Variants in FYN observed in about 807,000 individuals in gnomAD.
FYN encodes the protein FYN proto-oncogene, Src family tyrosine kinase, also known as tyrosine-protein kinase Fyn.
A neutral mutation model predicts 70.2 loss-of-function variants in FYN; 10 were observed. The ratio of observed to expected loss-of-function variants is 0.14; its 90% CI spans 0.09 to 0.24. The LOEUF (loss-of-function observed/expected upper bound fraction) is 0.24. Ranked by LOEUF, FYN falls within the 10% of genes least tolerant of loss-of-function variation. The pLI is 1.00. For missense variants in FYN, 319 were observed against 673.1 expected, an observed-to-expected ratio of 0.47 and a Z score of 5.82; for synonymous variants, 236 against 248.6, an observed-to-expected ratio of 0.95 and a Z score of 0.48.
At position 111,712,486 on chromosome 6, in the gene FYN, A is replaced by G. The variant is rs749654699; in HGVS notation, c.344+1861T>C. Among the ~76,000 whole-genome samples, 11 of 152,060 alleles carry G rather than the reference A, an allele frequency of 7.2e-5. 1 individual carries two copies. Among genetic ancestry groups the G allele is most frequent in the Non-Finnish European group, 4.4e-5 (3 of 68,014 alleles). On this transcript the variant is annotated intron_variant, in intron 5 of 13. Coordinates refer to ENST00000354650, the MANE Select transcript of FYN (RefSeq NM_002037.5). ...AGGTTCCCATCCCCTTTGATAAAGT[A>G]TCTGGGCCTTTCCCAGATCAAACCT... is the stretch of plus-strand genomic sequence containing the variant.
rs538500761 is a variant in FYN at position 111,849,121 on chromosome 6, T to C, written c.-122-2492A>G. Among the ~76,000 whole-genome samples, 3 of 152,342 alleles carry C rather than the reference T, an allele frequency of 2.0e-5. No homozygotes were observed. In the East Asian group the frequency reaches 5.8e-4, roughly 29 times the overall value. ...TGGGCATTAGGGCATTTTCCATGCT[T>C]TTATTCTTCTTGCTGAAGCAGTGCT... On this transcript the variant is annotated intron_variant, in intron 1 of 13. Coordinates refer to ENST00000354650, the MANE Select transcript of FYN (RefSeq NM_002037.5).
chr6:111,846,096 A>C (rs891752868), intron 2 of FYN, among the ~76,000 whole-genome samples: 1 of 152,222 alleles, frequency 6.6e-6, no homozygotes, highest in Admixed American at 6.5e-5. Flanking sequence ...AAAAAATGTT[A>C]CATTAATGAA....
At chr6:111,734,532 C>A (rs1801618299) in intron 3 of FYN, among the ~76,000 whole-genome samples, 1 of 152,220 alleles carries the variant, frequency 6.6e-6, no homozygotes, top group Non-Finnish European at 1.5e-5. Context: ...GCTCAACCAA[C>A]TCTGGCATTC....
chr6:111,672,440 A>G (rs1345709319), intron 13 of FYN, among the ~76,000 whole-genome samples: 1 of 152,222 alleles, frequency 6.6e-6, no homozygotes, highest in Non-Finnish European at 1.5e-5. Flanking sequence ...ACTCAGCTTG[A>G]AGAGTCCCTC....
At chr6:111,844,807 C>T (rs1466755598) in intron 2 of FYN, 1 of 152,172 alleles carries the variant, frequency 6.6e-6, no homozygotes, top group Non-Finnish European at 1.5e-5. Flanking sequence ...GGCCAACAGC[C>T]CTTTTTCCAT....
rs539552108 is a variant in FYN at position 111,665,634 on chromosome 6, T to A, written c.1406-3687A>T. The stretch of plus-strand genomic sequence containing the variant: ...CCTTTTATTTTTTATTTATTTATTT[T>A]TTTTTGAGATGAAGCGTGGCTCTGT... On this transcript the variant is annotated intron_variant, in intron 13 of 13. Coordinates refer to ENST00000354650, the MANE Select transcript of FYN (RefSeq NM_002037.5). Among the ~76,000 whole-genome samples the A allele has an allele frequency of 2.4e-4, 36 of 152,204 alleles. No individual in the cohort carries two copies. The South Asian group carries it at 2.5e-3, about 11-fold the overall frequency.
rs139047167 is a variant in FYN, at chr6:111,836,493, G to A, written c.-82+10096C>T. On this transcript the variant is annotated intron_variant, in intron 2 of 13. Coordinates refer to ENST00000354650, the MANE Select transcript of FYN (RefSeq NM_002037.5). ...ACAAAACAAATGCTAGGCTGTGCGC[G>A]GTGGTTCATGTCTGTAATCTCAGAT... 5.9e-5 allele frequency among the ~76,000 whole-genome samples: 9 copies of A among 152,286 alleles called. No individual in the cohort carries two copies. In the East Asian group the frequency reaches 1.7e-3, roughly 29 times the overall value.
At chr6:111,718,595 C>T (rs571038326) in intron 4 of FYN, among the ~76,000 whole-genome samples, 20 of 152,268 alleles carry the variant, frequency 1.3e-4, no homozygotes, top group Admixed American at 3.3e-4. Context: ...ATGCTTCTCA[C>T]GGTAGGCACA....
chr6:111,835,711 T>A (rs1773163279), intron 2 of FYN, among the ~76,000 whole-genome samples: 1 of 152,072 alleles, frequency 6.6e-6, no homozygotes, highest in Non-Finnish European at 1.5e-5. Context: ...AGAAAGTTAG[T>A]CCTCTTTCCA....
intron 2 of FYN, among the ~76,000 whole-genome samples, chr6:111,823,518 T>C (rs1005513102): frequency 2.6e-5 from 4 of 152,126 alleles, no homozygotes; most frequent in Non-Finnish European, 5.9e-5. Context: ...TATACTTTTT[T>C]CCCCCTTTTA....
chr6:111,674,450 CA>C, intron 13 of FYN, 48 bp downstream of exon 13: 2 of 1,562,506 alleles, frequency 1.3e-6, no homozygotes, highest in African/African-American at 1.4e-5. Context: ...CAAATGGTGT[CA>C]AAAAAGCCTC....
At chr6:111,737,071 T>TCAAAA (rs1247426331) in intron 3 of FYN, among the ~76,000 whole-genome samples, 1 of 152,236 alleles carries the variant, frequency 6.6e-6, no homozygotes, top group African/African-American at 2.4e-5. Context: ...GTTTTGTGCC[T>TCAAAA]CAAACACTCG....
chr6:111,783,199 T>C (rs1395088728), intron 2 of FYN, among the ~76,000 whole-genome samples: 1 of 152,154 alleles, frequency 6.6e-6, no homozygotes, highest in Non-Finnish European at 1.5e-5. Context: ...GCATAATGAC[T>C]TTCTCCACTG....
intron 9 of FYN, among the ~76,000 whole-genome samples, chr6:111,699,100 T>A (rs1013826425): frequency 7.9e-5 from 12 of 152,124 alleles, no homozygotes; most frequent in African/African-American, 2.9e-4. Flanking sequence ...CAAAAAGGTA[T>A]CATTCCAATT....
chr6:111,666,530 G>A (rs1160369460), intron 13 of FYN, among the ~76,000 whole-genome samples: 1 of 152,116 alleles, frequency 6.6e-6, no homozygotes, highest in Non-Finnish European at 1.5e-5. Context: ...CCATTGTGGT[G>A]GGTCACTTTC....
At chr6:111,828,750 G>A (rs970412260) in intron 2 of FYN, among the ~76,000 whole-genome samples, 1 of 152,128 alleles carries the variant, frequency 6.6e-6, no homozygotes, top group African/African-American at 2.4e-5. Flanking sequence ...GGGGCTAGGG[G>A]AATGGCAGAA....
intron 8 of FYN, among the ~76,000 whole-genome samples, chr6:111,702,073 A>C (rs1441306810): frequency 6.6e-6 from 1 of 152,202 alleles, no homozygotes; most frequent in Non-Finnish European, 1.5e-5. Context: ...GGTCACACAA[A>C]AAAATATCTC....
intron 12 of FYN, among the ~76,000 whole-genome samples, chr6:111,677,310 A>C (rs1484618712): frequency 6.6e-6 from 1 of 152,236 alleles, no homozygotes; most frequent in Non-Finnish European, 1.5e-5. Context: ...CAAAAGGTTA[A>C]ATCAAAGCAG....
chr6:111,865,296 C>G (rs1295962415), intron 1 of FYN, among the ~76,000 whole-genome samples: 4 of 152,188 alleles, frequency 2.6e-5, no homozygotes, highest in Non-Finnish European at 5.9e-5. Flanking sequence ...AGACCCAAGT[C>G]AGGCTTCACT....
Sources: allele counts gnomAD v4.1 joint callset (sites outside exome capture counted in the v4.1 genomes callset), GRCh38; gene constraint gnomAD v4.1.1; transcripts MANE v1.5; gene names NCBI Gene and HGNC (gene_info 2026-07-23, HGNC 2026-07-21).